SEMA6D: variants seen among roughly 807,000 people sequenced by gnomAD.
SEMA6D encodes the protein semaphorin-6D.
A neutral mutation model predicts 106.6 loss-of-function variants in SEMA6D; 35 were observed. The observed-to-expected ratio is 0.33, with a 90% CI of 0.25 to 0.44. SEMA6D has a LOEUF of 0.44. Ranked by LOEUF, SEMA6D falls within the 20% of genes least tolerant of loss-of-function variation. The probability of loss-of-function intolerance (pLI) is 1.00; values close to 1 mark genes in which losing one functional copy is unlikely to be tolerated. For missense variants in SEMA6D, 1,185 were observed against 1,345.9 expected, an observed-to-expected ratio of 0.88 and a Z score of 1.87; for synonymous variants, 499 against 487.7, an observed-to-expected ratio of 1.02 and a Z score of -0.31.
At chr15:47,718,197 G>T (rs2079203153) in intron 1 of SEMA6D, among the ~76,000 whole-genome samples, 1 of 152,204 alleles carries the variant, frequency 6.6e-6, no homozygotes, top group East Asian at 1.9e-4. Flanking sequence ...AGCCAAGGCC[G>T]AAGGAGCCGC....
At chr15:47,716,906 A>G (rs2079129695), upstream of SEMA6D, 1 of 110,324 alleles carries the variant, frequency 9.1e-6, no homozygotes, top group Admixed American at 1.4e-4. Context: ...TGTTTTGCTT[A>G]GTGGTTATAA....
intron 1 of SEMA6D, among the ~76,000 whole-genome samples, chr15:47,756,982 A>G (rs1464857885): frequency 3.4e-5 from 5 of 146,354 alleles, no homozygotes; most frequent in Admixed American, 1.4e-4. Flanking sequence ...GGAGGATTAG[A>G]GTGGTAGGGG....
At chr15:47,733,549 C>T (rs1321367780) in intron 1 of SEMA6D, among the ~76,000 whole-genome samples, 5 of 152,150 alleles carry the variant, frequency 3.3e-5, no homozygotes, top group African/African-American at 9.7e-5. Context: ...ACCCTTGCTT[C>T]GCTACTCTCT....
chr15:47,406,057 C>A (rs959609261), intron 1 of SEMA6D, among the ~76,000 whole-genome samples: 1 of 152,202 alleles, frequency 6.6e-6, no homozygotes. Context: ...CCTTTCTGTT[C>A]TCTATTCTCT....
At chr15:47,346,348 C>T (rs554218838) in intron 1 of SEMA6D, among the ~76,000 whole-genome samples, 46 of 152,228 alleles carry the variant, frequency 3.0e-4, no homozygotes, top group South Asian at 1.0e-3. Context: ...TTGGCAGTAC[C>T]GGAGTTTTGT....
chr15:47,437,433 A>G (rs899526242), intron 2 of SEMA6D, among the ~76,000 whole-genome samples: 6 of 152,112 alleles, frequency 3.9e-5, no homozygotes, highest in African/African-American at 1.4e-4. Flanking sequence ...ATGTCAGAAA[A>G]GTTTTTGAAT....
chr15:47,314,597 C>CAAAAAAAAAAAGAAA (rs2036573774), intron 1 of SEMA6D, among the ~76,000 whole-genome samples: 1 of 24,302 alleles, frequency 4.1e-5, no homozygotes, highest in Admixed American at 5.8e-4. Context: ...GACTCCATCT[C>CAAAAAAAAAAAGAAA]AAAAAAAAAA....
chr15:47,516,230 A>G (rs1001738434), intron 3 of SEMA6D, among the ~76,000 whole-genome samples: 2 of 152,148 alleles, frequency 1.3e-5, no homozygotes, highest in African/African-American at 4.8e-5. Flanking sequence ...AGCTACCTCA[A>G]TGTAAACTTA....
chr15:47,751,251 A>T (rs1234380814), intron 1 of SEMA6D, among the ~76,000 whole-genome samples: 1 of 152,200 alleles, frequency 6.6e-6, no homozygotes, highest in Non-Finnish European at 1.5e-5. Flanking sequence ...ATCTAGGCAC[A>T]TGAATGCTAT....
chr15:47,761,621 T>C lies in SEMA6D; in HGVS notation c.448-40T>C, dbSNP rs1424687821. On this transcript the variant is annotated intron_variant, in intron 6 of 18. Coordinates refer to ENST00000536845, the MANE Select transcript of SEMA6D (RefSeq NM_001358351.3). ...TAGTATTGCCTTCAAACGGGCACGT[T>C]GAATAGATATGACACTGGCTATTTA... The C allele has an allele frequency of 2.7e-6, 4 of 1,480,466 alleles. No homozygotes were observed. In the Middle Eastern group the frequency reaches 5.3e-4, roughly 195 times the overall value. 91.7% of individuals were successfully genotyped at this position (1,480,466 alleles called of 1,614,324 possible). A position where few individuals can be genotyped will look rare whatever the true frequency, so the allele number is the denominator to read the frequency against.
chr15:47,560,446 G>T (rs2142658504), intron 3 of SEMA6D, among the ~76,000 whole-genome samples: 1 of 151,912 alleles, frequency 6.6e-6, no homozygotes, highest in Admixed American at 6.6e-5. Context: ...AATAATAAAG[G>T]GCTCAAGAGC....
intron 1 of SEMA6D, among the ~76,000 whole-genome samples, chr15:47,223,369 T>G (rs1364416923): frequency 6.6e-6 from 1 of 152,134 alleles, no homozygotes; most frequent in Non-Finnish European, 1.5e-5. Context: ...CCTGTAACTT[T>G]TCTGTCAAAG....
At position 47,560,742 on chromosome 15, in the gene SEMA6D, A is replaced by G. The variant is rs200194373; in HGVS notation, c.-86-40123A>G. On this transcript the variant is annotated intron_variant, in intron 3 of 19. Coordinates refer to the SEMA6D transcript ENST00000558014. ...AACATTGAGTCTTTGCAAATGATCA[A>G]GATGAAGTCATTATCTCTGTGTGCC... is the stretch of plus-strand genomic sequence containing the variant. Among the ~76,000 whole-genome samples the G allele has an allele frequency of 6.6e-5, 10 of 152,250 alleles. No homozygotes were observed. The East Asian group carries it at 1.9e-3, about 29-fold the overall frequency.
intron 1 of SEMA6D, among the ~76,000 whole-genome samples, chr15:47,223,198 G>T (rs2860049): frequency 0.42 from 63,521 of 151,410 alleles, 14,532 homozygotes; most frequent in African/African-American, 0.57. Context: ...CACAAGGATT[G>T]TGACAATCTT....
chr15:47,705,601 A>G (rs545400256), intron 4 of SEMA6D, among the ~76,000 whole-genome samples: 196 of 152,110 alleles, frequency 1.3e-3, no homozygotes, highest in Non-Finnish European at 2.1e-3. Flanking sequence ...TTTTTACCCA[A>G]TCTCTCTCAT....
At chr15:47,463,766 G>A (rs1235333334) in intron 2 of SEMA6D, among the ~76,000 whole-genome samples, 1 of 152,140 alleles carries the variant, frequency 6.6e-6, no homozygotes, top group Non-Finnish European at 1.5e-5. Flanking sequence ...CCCAGTTCTG[G>A]AGGCCAGAAG....
intron 1 of SEMA6D, among the ~76,000 whole-genome samples, chr15:47,403,973 C>T (rs2040478452): frequency 6.6e-6 from 1 of 152,134 alleles, no homozygotes; most frequent in Non-Finnish European, 1.5e-5. Flanking sequence ...TTTATGGTCC[C>T]AGCTAGAATT....
intron 3 of SEMA6D, among the ~76,000 whole-genome samples, chr15:47,474,652 A>G (rs374036686): frequency 8.5e-5 from 13 of 152,320 alleles, no homozygotes; most frequent in African/African-American, 2.9e-4. Flanking sequence ...GCAAGTTGCT[A>G]CATGCAAAGA....
At chr15:47,228,821 A>G (rs1351155762) in intron 1 of SEMA6D, among the ~76,000 whole-genome samples, 1 of 152,018 alleles carries the variant, frequency 6.6e-6, no homozygotes, top group African/African-American at 2.4e-5. Context: ...TGGAGTGCCA[A>G]AGTGGGTCCC....
Sources: gnomAD v4.1 joint callset for allele counts (sites outside exome capture counted in the v4.1 genomes callset) on GRCh38, gnomAD v4.1.1 for gene constraint, MANE v1.5 for transcripts, NCBI Gene and HGNC (gene_info 2026-07-23, HGNC 2026-07-21) for gene names.